The following INTS6L variants were observed in gnomAD, a reference collection of about 807,000 sequenced individuals.
INTS6L encodes the protein integrator complex subunit 6 like, also known as integrator complex subunit 6-like.
Under a neutral mutation model 64.7 loss-of-function variants are expected in INTS6L, and 18 were observed. That is an observed-to-expected ratio of 0.28 (90% CI 0.19 to 0.41). The LOEUF is 0.41. INTS6L is among the 10% of genes least tolerant of loss of function. The pLI is 1.00. For synonymous variants in INTS6L, 227 were observed against 235.9 expected, an observed-to-expected ratio of 0.96 and a Z score of 0.34; for missense variants, 533 against 661.0, an observed-to-expected ratio of 0.81 and a Z score of 2.12.
intron 9 of INTS6L, among the ~76,000 whole-genome samples, chrX:135,563,659 CTATATATATAGCTATAT>C (rs1569512836): frequency 4.3e-3 from 13 of 2,997 alleles, no homozygotes; most frequent in Non-Finnish European, 7.8e-3. Context: ...ATATATATAG[CTATATATATAGCTATAT>C]ATATAGCTAG....
chrX:135,581,036 T>A lies in INTS6L; in HGVS notation c.2495-14T>A, dbSNP rs782615954. 4.5e-6 allele frequency: 5 copies of A among 1,102,974 alleles called. No homozygotes were observed. The South Asian group carries it at 9.4e-5, about 21-fold the overall frequency. The allele number at this position is 1,102,974 out of a possible 1,213,427, so 90.9% of individuals were successfully genotyped here. On this transcript the variant is annotated splice_polypyrimidine_tract_variant and intron_variant, in intron 16 of 17. Coordinates refer to ENST00000639893, the MANE Select transcript of INTS6L (RefSeq NM_001351601.3). ...TCTTTATAAAAATACTGAAGTTTTT[T>A]TAAATATCTTCAGAATATGAAAGAA... is the stretch of plus-strand genomic sequence containing the variant.
chrX:135,568,194 T>A (rs2148662996), intron 9 of INTS6L, among the ~76,000 whole-genome samples: 1 of 111,525 alleles, frequency 9.0e-6, no homozygotes, highest in South Asian at 3.7e-4. Flanking sequence ...AATAATGAGA[T>A]GTGAAGGAAA....
At chrX:135,544,854 C>G (rs2086314260) in intron 2 of INTS6L, among the ~76,000 whole-genome samples, 1 of 111,688 alleles carries the variant, frequency 9.0e-6, no homozygotes, top group Admixed American at 9.5e-5. Flanking sequence ...TTCTTTCTCC[C>G]TTTATTCTAG....
chrX:135,570,450 A>G lies in INTS6L; in HGVS notation c.1302A>G (p.Ala434=). The G allele has an allele frequency of 8.7e-7, 1 of 1,150,635 alleles. No individual in the cohort carries two copies. The highest frequency in any genetic ancestry group is 1.2e-6 in the Non-Finnish European group (1 of 868,651). 94.8% of individuals were successfully genotyped at this position (1,150,635 alleles called of 1,213,427 possible). The part of the protein sequence containing the change: ...PPYYLLPLKK[A]LRMMGAPNLI... ...TTTCCTTATAGCCATTAAAGAAAGC[A>G]CTAAGGATGATGGGAGCTCCAAATC... Residue 434 remains alanine, a synonymous_variant, in exon 11 of 18, where the codon GCA becomes GCG. Transcript: ENST00000639893.
At chrX:135,554,883 CTTTTTTTT>C (rs35845600) in intron 8 of INTS6L, among the ~76,000 whole-genome samples, 6 of 50,472 alleles carry the variant, frequency 1.2e-4, no homozygotes, top group African/African-American at 1.8e-4. Context: ...ACCAGCATAA[CTTTTTTTT>C]TTTTTTTTTT....
At chrX:135,578,058 T>C (rs1556532069) in intron 15 of INTS6L, among the ~76,000 whole-genome samples, 2 of 111,680 alleles carry the variant, frequency 1.8e-5, no homozygotes, top group Non-Finnish European at 3.8e-5. Context: ...TTCCCTCTAA[T>C]AGCAACTCCC....
chrX:135,546,422 A>G lies in INTS6L; in HGVS notation c.382A>G (p.Ile128Val). ...TTTAGAACCATCTATTTTAATTACC[A>G]TCACAGATGGAAACAAGTTAACAAG... ...FFLEPSILIT[I>V]TDGNKLTSTA... Residue 128 changes from isoleucine to valine, a missense_variant, in exon 4 of 18, where the codon ATC becomes GTC. Transcript: ENST00000639893. 8.5e-7 allele frequency: 1 copy of G among 1,176,253 alleles called. No homozygotes were observed. The highest frequency in any genetic ancestry group is 1.1e-6 in the Non-Finnish European group (1 of 882,857).
intron 2 of INTS6L, among the ~76,000 whole-genome samples, chrX:135,524,146 G>C (rs1556499712): frequency 9.0e-6 from 1 of 111,671 alleles, no homozygotes. Flanking sequence ...ACCCTCCTCA[G>C]CATGTGGTAA....
chrX:135,559,748 T>TTCCCACTATTAGTGTATGAGTGAA (rs1371407084), intron 9 of INTS6L, among the ~76,000 whole-genome samples: 8 of 112,653 alleles, frequency 7.1e-5, no homozygotes, highest in African/African-American at 2.6e-4. Context: ...CTATTTTACA[T>TTCCCACTATTAGTGTATGAGTGAA]TCCCACTATT....
chrX:135,575,047 G>A, intron 13 of INTS6L, 37 bp from the exon 14 acceptor site: 1 of 1,204,095 alleles, frequency 8.3e-7, no homozygotes, highest in Non-Finnish European at 1.1e-6. Context: ...ATACGCTTCA[G>A]CTATAAGCAT....
rs782704500 is a variant in INTS6L at position 135,581,610 on chromosome X, C to T, written c.2671C>T (p.His891Tyr). 9.1e-6 allele frequency: 11 copies of T among 1,207,344 alleles called. No homozygotes were observed. Among genetic ancestry groups the T allele is most frequent in the Non-Finnish European group, 1.2e-5 (11 of 893,420 alleles). The stretch of plus-strand genomic sequence containing the variant: ...CCACCACCTTCACAACAACATTAGT[C>T]ACATCAACAGCAGATCATCATGTTA... ...NSHHLHNNIS[H>Y]INSRSSC The change falls in exon 18 of 18, where the codon CAC becomes TAC. Residue 891 changes from histidine (H) to tyrosine (Y), a missense_variant. By Grantham distance (83) the His-to-Tyr change is moderately conservative. Coordinates refer to ENST00000639893, the MANE Select transcript of INTS6L (RefSeq NM_001351601.3).
chrX:135,572,831 A>T lies in INTS6L; in HGVS notation c.1415A>T (p.Glu472Val). The change falls in exon 12 of 18, where the codon GAA (glutamate) becomes GTA (valine). Residue 472 changes from glutamate to valine, a missense_variant. Coordinates refer to ENST00000639893, the MANE Select transcript of INTS6L (RefSeq NM_001351601.3). ...TCATTTTAGACCAAACTAGAGTCAGAACGAATACTAGCATCAGTGGGGAAG... is the reference window on the plus strand; with the variant it reads ...TCATTTTAGACCAAACTAGAGTCAGTACGAATACTAGCATCAGTGGGGAAG... Reference protein sequence around the residue: ...KLSQQTKLESERILASVGKKP... With the variant: ...KLSQQTKLESVRILASVGKKP... 6.6e-6 allele frequency: 8 copies of T among 1,211,150 alleles called. No individual in the cohort carries two copies. The Middle Eastern group carries it at 1.8e-3, about 279-fold the overall frequency.
intron 10 of INTS6L, chrX:135,570,217 C>G (rs1158124320): frequency 3.5e-6 from 1 of 287,549 alleles, no homozygotes; most frequent in Non-Finnish European, 6.1e-6. Flanking sequence ...TTTGCTGTTA[C>G]TTGCTCTTCT....
At chrX:135,536,538 A>G (rs183582079) in intron 2 of INTS6L, among the ~76,000 whole-genome samples, 1 of 111,769 alleles carries the variant, frequency 8.9e-6, no homozygotes, top group East Asian at 2.8e-4. Context: ...ATAGAACAGG[A>G]GTTTTTCAGA....
At chrX:135,537,330 T>G (rs1457294230) in intron 2 of INTS6L, among the ~76,000 whole-genome samples, 1 of 112,509 alleles carries the variant, frequency 8.9e-6, no homozygotes, top group Non-Finnish European at 1.9e-5. Flanking sequence ...CGATCTGAAT[T>G]AACATATTGA....
At chrX:135,561,418 T>C (rs2086787484) in intron 9 of INTS6L, among the ~76,000 whole-genome samples, 1 of 112,326 alleles carries the variant, frequency 8.9e-6, no homozygotes, top group Admixed American at 9.4e-5. Context: ...TATATATTAC[T>C]GAGTTCTATG....
chrX:135,564,495 G>A (rs1328625512), intron 9 of INTS6L, among the ~76,000 whole-genome samples: 1 of 110,821 alleles, frequency 9.0e-6, no homozygotes. Context: ...GGGAGGCCAA[G>A]GCAGGTGGAT....
chrX:135,553,481 A>ATCTTT (rs1289456773), intron 8 of INTS6L, among the ~76,000 whole-genome samples: 3 of 80,778 alleles, frequency 3.7e-5, no homozygotes, highest in Non-Finnish European at 5.1e-5. Context: ...AATTTTTTAA[A>ATCTTT]TTTTTTTTTT....
At chrX:135,555,213 A>C (rs1481701700) in intron 8 of INTS6L, among the ~76,000 whole-genome samples, 1 of 111,432 alleles carries the variant, frequency 9.0e-6, no homozygotes, top group Non-Finnish European at 1.9e-5. Flanking sequence ...TTATAAGAGA[A>C]ATGCCTTCCA....
Sources: gnomAD v4.1 joint callset for allele counts (sites outside exome capture counted in the v4.1 genomes callset) on GRCh38, gnomAD v4.1.1 for gene constraint, MANE v1.5 for transcripts, NCBI Gene and HGNC (gene_info 2026-07-23, HGNC 2026-07-21) for gene names.